The following SVIL variants were observed in gnomAD, a reference collection of about 807,000 sequenced individuals.
The protein encoded by SVIL is archvillin.
SVIL carries 101 observed loss-of-function variants against 240.4 expected under a neutral mutation model. The observed-to-expected ratio is 0.42, with a 90% CI of 0.36 to 0.50. The LOEUF (loss-of-function observed/expected upper bound fraction) is 0.50. Among genes scored for constraint, SVIL ranks in the 20% least tolerant of loss-of-function variants. The pLI is 0.01. For synonymous variants in SVIL, 999 were observed against 1,100.0 expected (o/e 0.91, Z 1.82); for missense variants, 2,512 against 2,818.7 (o/e 0.89, Z 2.46).
intron 3 of SVIL, among the ~76,000 whole-genome samples, chr10:29,644,570 T>C (rs1196463567): frequency 6.6e-6 from 1 of 151,814 alleles, no homozygotes; most frequent in African/African-American, 2.4e-5. Flanking sequence ...TCCCAATAAT[T>C]CTATAAAACG....
intron 22 of SVIL, among the ~76,000 whole-genome samples, chr10:29,489,415 A>G (rs1416022673): frequency 2.6e-5 from 4 of 152,228 alleles, no homozygotes; most frequent in African/African-American, 9.6e-5. Flanking sequence ...GCCAACATTT[A>G]TTTCTCCAAC....
chr10:29,599,939 AAT>A (rs967408369), intron 1 of SVIL, among the ~76,000 whole-genome samples: 6 of 152,032 alleles, frequency 3.9e-5, no homozygotes, highest in Non-Finnish European at 7.4e-5. Flanking sequence ...GGAGTAGGGT[AAT>A]CTGGTAAATG....
At position 29,533,036 on chromosome 10, in the gene SVIL, C is replaced by A. The variant is rs139737891; in HGVS notation, c.1331G>T (p.Cys444Phe). The A allele has an allele frequency of 1.4e-5, 22 of 1,613,984 alleles. No homozygotes were observed. Among genetic ancestry groups the A allele is most frequent in the Admixed American group, 3.3e-5 (2 of 60,004 alleles). ...GCTTTGCTCGAGAGCTTCAGTGAAG[C>A]ACACATCTTCTTCTTTTTCTTCTCC... ...GEGEEKEEDV[C>F]FTEALEQSKK... is the part of the protein sequence containing the mutation. Residue 444 changes from cysteine (C) to phenylalanine (F), a missense_variant, in exon 8 of 38, where the codon TGC (cysteine) becomes TTC (phenylalanine). By Grantham distance (205) the Cys-to-Phe change is radical (BLOSUM62 -2). This residue lies in a region of SVIL where 1,443 missense variants were observed against 1,486.6 expected (regional missense o/e 0.97). Transcript: ENST00000355867.
chr10:29,525,547 G>C (rs1342821276), intron 13 of SVIL, among the ~76,000 whole-genome samples: 1 of 152,218 alleles, frequency 6.6e-6, no homozygotes, highest in Non-Finnish European at 1.5e-5. Context: ...CTGTGAGGTA[G>C]AGGCTGCAGT....
At chr10:29,534,240 T>G (rs1051462346) in intron 7 of SVIL, among the ~76,000 whole-genome samples, 1 of 152,234 alleles carries the variant, frequency 6.6e-6, no homozygotes, top group African/African-American at 2.4e-5. Flanking sequence ...CTGGGGCTCA[T>G]GCCTGTGATC....
At chr10:29,660,312 C>CA (rs998103759) in intron 2 of SVIL, among the ~76,000 whole-genome samples, 68 of 149,282 alleles carry the variant, frequency 4.6e-4, no homozygotes, top group African/African-American at 1.3e-3. Context: ...TTGCTTGACT[C>CA]AAAAAAAAAA....
In SVIL at chr10:29,735,633, C is replaced by T. The variant is rs943416524; in HGVS notation, c.-400+118G>A. On this transcript the variant is annotated intron_variant, in intron 1 of 35. Transcript: ENST00000375400. This position sits in a 1 kb window ranked among gnomAD's most constrained non-coding sequence, Gnocchi z 4.1. ...CGGTCCCCGGCAGGGCCTCCCGCAGCCAGAGCGAGACTGACCCGCGCCTCC... is the reference window on the plus strand; with the variant it reads ...CGGTCCCCGGCAGGGCCTCCCGCAGTCAGAGCGAGACTGACCCGCGCCTCC... The T allele has an allele frequency of 2.6e-5, 4 of 151,690 alleles. No homozygotes were observed. The highest frequency in any genetic ancestry group is 5.9e-5 in the Non-Finnish European group (4 of 67,900). 9.4% of individuals were successfully genotyped at this position (151,690 alleles called of 1,614,324 possible).
At chr10:29,555,313 G>GACACACAC (rs60699689) in intron 3 of SVIL, among the ~76,000 whole-genome samples, 22 of 132,702 alleles carry the variant, frequency 1.7e-4, no homozygotes, top group African/African-American at 5.4e-4. Flanking sequence ...AGAGTGTGCA[G>GACACACAC]ACACACACAC....
At chr10:29,672,982 T>C (rs948807235) in intron 2 of SVIL, among the ~76,000 whole-genome samples, 11 of 152,174 alleles carry the variant, frequency 7.2e-5, no homozygotes, top group Non-Finnish European at 1.5e-4. Context: ...GGTGTGATAT[T>C]GGCTCATTGC....
At chr10:29,480,471 G>T (rs1946707754) in intron 29 of SVIL, 66 bp downstream of exon 29, 1 of 1,578,622 alleles carries the variant, frequency 6.3e-7, no homozygotes, top group Non-Finnish European at 8.6e-7. Flanking sequence ...CATTGGAGAA[G>T]CTGGCTCCCG....
At chr10:29,718,992 C>T (rs894731462) in intron 1 of SVIL, among the ~76,000 whole-genome samples, 1 of 152,152 alleles carries the variant, frequency 6.6e-6, no homozygotes, top group African/African-American at 2.4e-5. Flanking sequence ...TGCCTGTCAT[C>T]CCAGCTACTT....
At chr10:29,556,043 C>T (rs1316914321) in intron 3 of SVIL, among the ~76,000 whole-genome samples, 3 of 152,154 alleles carry the variant, frequency 2.0e-5, no homozygotes. Flanking sequence ...GTAATTACCC[C>T]AATGTTTCTG....
In SVIL at chr10:29,462,366, G is replaced by A; in HGVS notation, c.6313C>T (p.Leu2105Phe). 1.2e-6 allele frequency: 2 copies of A among 1,614,152 alleles called. No individual in the cohort carries two copies. Among genetic ancestry groups the A allele is most frequent in the Non-Finnish European group, 1.7e-6 (2 of 1,180,018 alleles). ...AGGGGCTCCAGACCAGCGTGGATAAGGTAAGACTTGGGGGCTGGTTTCTTG... is the reference window on the plus strand; with the variant it reads ...AGGGGCTCCAGACCAGCGTGGATAAAGTAAGACTTGGGGGCTGGTTTCTTG... ...NLKKPAPKSYLIHAGLEPLTF... is the reference protein window; with the variant it reads ...NLKKPAPKSYFIHAGLEPLTF... Residue 2105 changes from leucine to phenylalanine, a missense_variant, in exon 36 of 38, where the codon CTT becomes TTT. Physicochemically the swap from Leu to Phe is conservative, Grantham distance 22. Around this residue, in one of 3 missense-constraint regions of SVIL, gnomAD observed 797 missense variants for 925.3 expected, o/e 0.86. Transcript: ENST00000355867.
At position 29,484,798 on chromosome 10, in the gene SVIL, C is replaced by G. The variant is rs377161548; in HGVS notation, c.4813G>C (p.Val1605Leu). Reference sequence around the variant, plus strand: ...AATGTGACTTCTTTCCCATGCCATACGTAAACTTCACTACCAAAATCAAAC... The same window carrying G: ...AATGTGACTTCTTTCCCATGCCATAGGTAAACTTCACTACCAAAATCAAAC... ...LVFDFGSEVY[V>L]WHGKEVTLAQ... Residue 1605 changes from valine to leucine, a missense_variant, in exon 27 of 38, where the codon GTA (valine) becomes CTA (leucine). This residue lies in a region of SVIL where 797 missense variants were observed against 925.3 expected (regional missense o/e 0.86). Coordinates refer to ENST00000355867, the MANE Select transcript of SVIL (RefSeq NM_021738.3). This position sits in a 1 kb window ranked among gnomAD's most constrained non-coding sequence, Gnocchi z 4.7. The G allele has an allele frequency of 5.6e-6, 9 of 1,612,316 alleles. No homozygotes were observed. Among genetic ancestry groups the G allele is most frequent in the Non-Finnish European group, 6.8e-6 (8 of 1,179,324 alleles).
intron 1 of SVIL, among the ~76,000 whole-genome samples, chr10:29,604,278 C>T (rs1034939415): frequency 2.0e-5 from 3 of 146,434 alleles, no homozygotes; most frequent in African/African-American, 7.5e-5. Flanking sequence ...TGGCTCACTG[C>T]AACCTCCACC....
At chr10:29,601,774 C>T (rs1320772352) in intron 1 of SVIL, among the ~76,000 whole-genome samples, 1 of 152,224 alleles carries the variant, frequency 6.6e-6, no homozygotes, top group East Asian at 1.9e-4. Context: ...TGATGACATT[C>T]ACATTTGTAA....
chr10:29,617,250 A>G (rs768671386), intron 1 of SVIL, among the ~76,000 whole-genome samples: 8 of 152,190 alleles, frequency 5.3e-5, no homozygotes, highest in Non-Finnish European at 2.9e-5. Context: ...ATACATATAA[A>G]TTATTAATAA....
Position 29,512,816 on chromosome 10 carries a change from T to A in SVIL, c.3435A>T (p.Arg1145Ser), listed in dbSNP as rs367914737. ...KKSGEEDWRNRLSRRQEGGKA... is the reference protein window; with the variant it reads ...KKSGEEDWRNSLSRRQEGGKA... ...TGCCGCCCTCCTGCCTCCTGCTGAG[T>A]CTGTTTCTCCAATCTTCCTCCCCGC... Residue 1145 changes from arginine to serine, a missense_variant, in exon 17 of 38, where the codon AGA becomes AGT. Physicochemically the swap from Arg to Ser is moderately radical, Grantham distance 110. This residue lies in a region of SVIL where 1,443 missense variants were observed against 1,486.6 expected (regional missense o/e 0.97). Transcript: ENST00000355867. 1.9e-6 allele frequency: 3 copies of A among 1,612,524 alleles called. No homozygotes were observed. In the African/African-American group the frequency reaches 4.0e-5, roughly 22 times the overall value.
chr10:29,639,547 C>T (rs1958419317), upstream of SVIL, among the ~76,000 whole-genome samples: 1 of 149,634 alleles, frequency 6.7e-6, no homozygotes, highest in Non-Finnish European at 1.5e-5. Flanking sequence ...CGGCTCACTG[C>T]AACCTTCACC....
Sources: allele counts gnomAD v4.1 joint callset (sites outside exome capture counted in the v4.1 genomes callset), GRCh38; gene constraint gnomAD v4.1.1; regional missense constraint gnomAD v4.1.1; non-coding constraint Gnocchi (gnomAD v3.1); transcripts MANE v1.5; gene names NCBI Gene and HGNC (gene_info 2026-07-23, HGNC 2026-07-21).